CSMD1: variants seen among roughly 807,000 people sequenced by gnomAD.
CSMD1 encodes the protein CUB and sushi domain-containing protein 1.
CSMD1 carries 213 observed loss-of-function variants against 417.5 expected under a neutral mutation model. The observed-to-expected ratio is 0.51, with a 90% CI of 0.46 to 0.57. CSMD1 has a LOEUF of 0.57. Among genes scored for constraint, CSMD1 ranks in the 20% least tolerant of loss-of-function variants. The pLI, the probability that CSMD1 is intolerant of heterozygous loss-of-function variation, is 0.00. For synonymous variants in CSMD1, 2,862 were observed against 1,736.8 expected (o/e 1.65, Z -16.11); for missense variants, 6,923 against 4,529.7 (o/e 1.53, Z -15.17).
intron 1 of CSMD1, among the ~76,000 whole-genome samples, chr8:4,931,669 G>A (rs1807260342): frequency 6.6e-6 from 1 of 152,152 alleles, no homozygotes; most frequent in Non-Finnish European, 1.5e-5. Context: ...ATACCTATTT[G>A]TGTTTAAGAT....
intron 2 of CSMD1, among the ~76,000 whole-genome samples, chr8:4,597,993 A>G (rs1800375640): frequency 6.6e-6 from 1 of 151,440 alleles, no homozygotes; most frequent in Non-Finnish European, 1.5e-5. Context: ...TTTTATATAA[A>G]TTATATATAA....
In CSMD1 at chr8:3,627,414, G is replaced by A. The variant is rs545638703; in HGVS notation, c.1010-10617C>T. 9.2e-5 allele frequency among the ~76,000 whole-genome samples: 14 copies of A among 152,184 alleles called. No individual in the cohort carries two copies. In the South Asian group the frequency reaches 2.9e-3, roughly 32 times the overall value. ...TAAAGAAATCACGGCATATCACCTC[G>A]AGTCCTGAAATCACAGACATTAACA... On this transcript the variant is annotated intron_variant, in intron 7 of 69. Coordinates refer to ENST00000635120, the MANE Select transcript of CSMD1 (RefSeq NM_033225.6).
chr8:3,291,975 T>C (rs1328083245), intron 25 of CSMD1, among the ~76,000 whole-genome samples: 1 of 152,010 alleles, frequency 6.6e-6, no homozygotes, highest in East Asian at 1.9e-4. Flanking sequence ...GTGCTATAAA[T>C]TTTCCTCTAC....
intron 2 of CSMD1, among the ~76,000 whole-genome samples, chr8:4,595,557 C>T (rs1307894647): frequency 1.3e-5 from 2 of 151,984 alleles, no homozygotes; most frequent in African/African-American, 4.8e-5. Context: ...GGCACAGAAA[C>T]CATACATTCT....
intron 5 of CSMD1, among the ~76,000 whole-genome samples, chr8:3,906,280 CAATT>C (rs1808102845): frequency 1.6e-5 from 2 of 128,672 alleles, no homozygotes; most frequent in African/African-American, 5.0e-5. Context: ...CAAATAAAAT[CAATT>C]GTCATAGGGA....
chr8:4,257,284 T>C (rs763823614), intron 3 of CSMD1, among the ~76,000 whole-genome samples: 1 of 152,194 alleles, frequency 6.6e-6, no homozygotes, highest in Non-Finnish European at 1.5e-5. Flanking sequence ...ACCCTTTCTG[T>C]TATGGCTTAT....
At chr8:4,681,194 G>A (rs1806028990) in intron 1 of CSMD1, among the ~76,000 whole-genome samples, 1 of 152,072 alleles carries the variant, frequency 6.6e-6, no homozygotes. Context: ...TTTGGCAATT[G>A]CATTTTCTGT....
At chr8:3,083,632 ATATATATATATATATATTTTTTTTTTTT>A (rs1695804430) in intron 49 of CSMD1, among the ~76,000 whole-genome samples, 2 of 28,032 alleles carry the variant, frequency 7.1e-5, no homozygotes, top group African/African-American at 2.9e-4. Flanking sequence ...ATATATATAT[ATATATATATATATATATTTTTTTTTTTT>A]TTTTTTTTTT....
intron 3 of CSMD1, among the ~76,000 whole-genome samples, chr8:4,125,845 C>A (rs545932038): frequency 3.9e-5 from 6 of 152,158 alleles, no homozygotes; most frequent in Non-Finnish European, 7.3e-5. Flanking sequence ...GTCCAGTCTG[C>A]TTTGCAGGAC....
intron 7 of CSMD1, among the ~76,000 whole-genome samples, chr8:3,690,421 C>G (rs1381256161): frequency 2.0e-5 from 3 of 152,188 alleles, no homozygotes; most frequent in Non-Finnish European, 4.4e-5. Flanking sequence ...ATATTTGAAG[C>G]AATTTCTTCT....
At chr8:4,585,493 A>T (rs1396655712) in intron 2 of CSMD1, among the ~76,000 whole-genome samples, 2 of 152,326 alleles carry the variant, frequency 1.3e-5, no homozygotes, top group East Asian at 3.9e-4. Flanking sequence ...GAAACAATGG[A>T]ATGAAAGAAG....
At position 4,289,190 on chromosome 8, in the gene CSMD1, A is replaced by G. The variant is rs377097348; in HGVS notation, c.415+130763T>C. ...TATATTATATAACAGTTTATCGGAC[A>G]AATACTCTTTACCAGTTTCTAGATA... On this transcript the variant is annotated intron_variant, in intron 3 of 69. Coordinates refer to ENST00000635120, the MANE Select transcript of CSMD1 (RefSeq NM_033225.6). 2.0e-5 allele frequency among the ~76,000 whole-genome samples: 3 copies of G among 152,216 alleles called. No homozygotes were observed. The South Asian group carries it at 6.2e-4, about 32-fold the overall frequency.
At chr8:4,163,557 G>C (rs377579701) in intron 3 of CSMD1, among the ~76,000 whole-genome samples, 55 of 152,252 alleles carry the variant, frequency 3.6e-4, no homozygotes, top group African/African-American at 1.3e-3. Context: ...GCATCATTTG[G>C]TGTGAATTAA....
At chr8:4,898,983 T>C (rs957487302) in intron 1 of CSMD1, among the ~76,000 whole-genome samples, 1 of 152,180 alleles carries the variant, frequency 6.6e-6, no homozygotes, top group Admixed American at 6.5e-5. Context: ...ACGGTAATGA[T>C]ATCTACTTAA....
intron 3 of CSMD1, among the ~76,000 whole-genome samples, chr8:4,081,803 G>A (rs1173086697): frequency 6.6e-6 from 1 of 151,780 alleles, no homozygotes; most frequent in Non-Finnish European, 1.5e-5. Context: ...ATACACAATG[G>A]ATCAAATAAA....
At chr8:3,491,934 C>T (rs953888195) in intron 11 of CSMD1, among the ~76,000 whole-genome samples, 1 of 152,110 alleles carries the variant, frequency 6.6e-6, no homozygotes, top group Non-Finnish European at 1.5e-5. Flanking sequence ...ACCTGAGGAT[C>T]CGGAGGCTTG....
intron 47 of CSMD1, among the ~76,000 whole-genome samples, chr8:3,093,069 T>C (rs1475396139): frequency 9.9e-5 from 15 of 152,140 alleles, no homozygotes; most frequent in Non-Finnish European, 2.1e-4. Flanking sequence ...TGTTATAGAC[T>C]AGACTGGGTC....
chr8:3,665,037 C>G (rs1798610949), intron 7 of CSMD1, among the ~76,000 whole-genome samples: 1 of 151,954 alleles, frequency 6.6e-6, no homozygotes, highest in Non-Finnish European at 1.5e-5. Context: ...TATACATAAA[C>G]TACCAATTTC....
intron 42 of CSMD1, chr8:3,112,841 C>G (rs534889482): frequency 2.1e-4 from 32 of 152,326 alleles, no homozygotes; most frequent in African/African-American, 7.7e-4. Flanking sequence ...ACAAAATTCT[C>G]TCAAAGCAAA....
Sources: gnomAD v4.1 joint callset for allele counts (sites outside exome capture counted in the v4.1 genomes callset) on GRCh38, gnomAD v4.1.1 for gene constraint, MANE v1.5 for transcripts, NCBI Gene and HGNC (gene_info 2026-07-23, HGNC 2026-07-21) for gene names.